The following LTBP2 variants were observed in gnomAD, a reference collection of about 807,000 sequenced individuals.
The protein encoded by LTBP2 is latent-transforming growth factor beta-binding protein 2.
In LTBP2, 103 loss-of-function variants were observed where a neutral mutation model predicts 210.6. The ratio of observed to expected loss-of-function variants is 0.49; its 90% CI spans 0.42 to 0.58. LTBP2 has a LOEUF of 0.58. Among genes scored for constraint, LTBP2 ranks in the 20% least tolerant of loss-of-function variants. LTBP2 has a pLI of 0.00. For missense variants in LTBP2, 2,313 were observed against 2,494.5 expected, an observed-to-expected ratio of 0.93 and a Z score of 1.55; for synonymous variants, 1,007 against 1,015.0, an observed-to-expected ratio of 0.99 and a Z score of 0.15.
Position 74,504,090 on chromosome 14 carries a change from G to T in LTBP2, c.4454-36C>A, listed in dbSNP as rs775429354. On this transcript the variant is annotated intron_variant, in intron 30 of 35. Coordinates refer to ENST00000261978, the MANE Select transcript of LTBP2 (RefSeq NM_000428.3). ...CAGAGCTGAGGTGAGAGGAAGGTGAGAGGCAGTATGAGGGGTACCTAGAGC... is the reference window on the plus strand; with the variant it reads ...CAGAGCTGAGGTGAGAGGAAGGTGATAGGCAGTATGAGGGGTACCTAGAGC... The T allele has an allele frequency of 3.4e-5, 54 of 1,610,054 alleles. No individual in the cohort carries two copies. The Admixed American group carries it at 5.4e-4, about 16-fold the overall frequency.
intron 3 of LTBP2, among the ~76,000 whole-genome samples, chr14:74,579,678 T>G (rs2088111028): frequency 6.6e-6 from 1 of 152,210 alleles, no homozygotes; most frequent in South Asian, 2.1e-4. Flanking sequence ...AGAGCTGCCC[T>G]GGTGCCCTGG....
Position 74,506,781 on chromosome 14 carries a change from C to T in LTBP2, c.3950G>A (p.Gly1317Asp), listed in dbSNP as rs775397419. The change falls in exon 27 of 36, where the codon GGC becomes GAC. Residue 1317 changes from glycine to aspartate, a missense_variant. Gly to Asp is a moderately conservative substitution (Grantham distance 94, BLOSUM62 -1). Transcript: ENST00000261978. ...GGAGCCATCAGTGTTGTCACAGAAGCCGTGGCTGCCACACATGGTGTCGTT... is the reference window on the plus strand; with the variant it reads ...GGAGCCATCAGTGTTGTCACAGAAGTCGTGGCTGCCACACATGGTGTCGTT... Reference protein sequence around the residue: ...CANDTMCGSHGFCDNTDGSFR... With the variant: ...CANDTMCGSHDFCDNTDGSFR... The T allele has an allele frequency of 2.0e-5, 33 of 1,613,958 alleles. No homozygotes were observed. In the East Asian group the frequency reaches 6.9e-4, roughly 34 times the overall value.
chr14:74,510,257 T>A (rs1254266559), intron 19 of LTBP2, 44 bp from the exon 20 acceptor site: 1 of 1,609,086 alleles, frequency 6.2e-7, no homozygotes, highest in Admixed American at 1.7e-5. Flanking sequence ...CTCCTCCCCA[T>A]CCTGCAGCCC....
chr14:74,521,904 G>C lies in LTBP2; in HGVS notation c.2788+7C>G. Reference sequence around the variant, plus strand: ...CCTGGCCAAGGGCAAGGGCGGGCTTGGCTTACCTTGACACTCCTGTGTCGC... The same window carrying C: ...CCTGGCCAAGGGCAAGGGCGGGCTTCGCTTACCTTGACACTCCTGTGTCGC... On this transcript the variant is annotated splice_region_variant and intron_variant, in intron 17 of 35. Transcript: ENST00000261978. 6.2e-7 allele frequency: 1 copy of C among 1,614,004 alleles called. No individual in the cohort carries two copies. The highest frequency in any genetic ancestry group is 8.5e-7 in the Non-Finnish European group (1 of 1,179,982).
chr14:74,538,605 C>T (rs1403760837), intron 8 of LTBP2, among the ~76,000 whole-genome samples: 5 of 152,112 alleles, frequency 3.3e-5, no homozygotes, highest in Non-Finnish European at 7.4e-5. Flanking sequence ...TAGAAGGAGG[C>T]ACCACATTTT....
chr14:74,584,619 T>C (rs1261975343), intron 3 of LTBP2, among the ~76,000 whole-genome samples: 1 of 152,112 alleles, frequency 6.6e-6, no homozygotes, highest in African/African-American at 2.4e-5. Flanking sequence ...CTCTGCTCCT[T>C]GTTTCTGCTG....
rs1250228519 is a variant in LTBP2 at position 74,516,916 on chromosome 14, C to T, written c.2814G>A (p.Gly938=). ...TGGTGCACTGCCCCCCGCTGCACAC[C>T]CCTGGCTGCTCACACTCATTGATAT... ...CQDINECEQP[G]VCSGGQCTNT... is the part of the protein sequence containing the mutation. Residue 938 remains glycine (G), a synonymous_variant, in exon 18 of 36, where the codon GGG becomes GGA. Transcript: ENST00000261978. 3 of 1,551,808 alleles carry T rather than the reference C, an allele frequency of 1.9e-6. No homozygotes were observed. The highest frequency in any genetic ancestry group is 2.7e-5 in the African/African-American group (2 of 73,052).
In LTBP2 at chr14:74,502,694, T is replaced by C. The variant is rs765133859; in HGVS notation, c.5129A>G (p.Gln1710Arg). 1.2e-5 allele frequency: 19 copies of C among 1,614,064 alleles called. No individual in the cohort carries two copies. Among genetic ancestry groups the C allele is most frequent in the Non-Finnish European group, 1.6e-5 (19 of 1,180,048 alleles). Reference sequence around the variant, plus strand: ...GTAGTGGGGCTGGAGTTCTGAGGGCTGCAAAGGAGACTCAAGGATGGGTGT... The same window carrying C: ...GTAGTGGGGCTGGAGTTCTGAGGGCCGCAAAGGAGACTCAAGGATGGGTGT... ...DRTPILESPL[Q>R]PSELQPHYVA... Residue 1710 changes from glutamine to arginine, a missense_variant, in exon 34 of 36, where the codon CAG becomes CGG. This residue lies in a region of LTBP2 where 443 missense variants were observed against 501.4 expected (regional missense o/e 0.88). Transcript: ENST00000261978.
At chr14:74,504,204 C>A in intron 30 of LTBP2, 150 bp from the exon 31 acceptor site, 1 of 886,498 alleles carries the variant, frequency 1.1e-6, no homozygotes. Context: ...GCCTTGCCTC[C>A]GGTTCCTACA....
intron 8 of LTBP2, among the ~76,000 whole-genome samples, chr14:74,538,789 G>A (rs1179235327): frequency 3.3e-5 from 5 of 152,326 alleles, no homozygotes; most frequent in African/African-American, 9.6e-5. Flanking sequence ...GGCCCGCTCC[G>A]GATTTGCACG....
chr14:74,503,832 C>T, intron 31 of LTBP2, 94 bp downstream of exon 31: 2 of 1,556,716 alleles, frequency 1.3e-6, no homozygotes, highest in Non-Finnish European at 1.7e-6. Context: ...GGAAGGGGGA[C>T]TCTCAGCAAT....
chr14:74,558,202 C>T (rs1222814458), intron 3 of LTBP2, among the ~76,000 whole-genome samples: 1 of 152,172 alleles, frequency 6.6e-6, no homozygotes, highest in Non-Finnish European at 1.5e-5. Context: ...GAGTTCGAGA[C>T]CAGCCTGACC....
chr14:74,607,906 T>C (rs1477032033), intron 1 of LTBP2, among the ~76,000 whole-genome samples: 1 of 151,862 alleles, frequency 6.6e-6, no homozygotes, highest in Admixed American at 6.6e-5. Flanking sequence ...TTGATAAAAC[T>C]AGACTATGTT....
intron 24 of LTBP2, 49 bp from the exon 25 acceptor site, chr14:74,508,144 G>C: frequency 6.2e-7 from 1 of 1,609,874 alleles, no homozygotes; most frequent in South Asian, 1.1e-5. Flanking sequence ...TCCCTTCCCT[G>C]TTAGGGTCCT....
At chr14:74,589,504 C>G (rs939850784) in intron 2 of LTBP2, among the ~76,000 whole-genome samples, 5 of 152,200 alleles carry the variant, frequency 3.3e-5, no homozygotes, top group Non-Finnish European at 5.9e-5. Context: ...TTTCTTCATG[C>G]CCAGGCACCT....
At chr14:74,525,730 A>G (rs2087263574) in intron 14 of LTBP2, among the ~76,000 whole-genome samples, 1 of 152,238 alleles carries the variant, frequency 6.6e-6, no homozygotes, top group Admixed American at 6.5e-5. Context: ...TGGTTTCAGG[A>G]CAAGACCTCT....
At chr14:74,529,200 A>ATCCCATCTCTGT (rs2139719718) in intron 10 of LTBP2, 78 bp from the exon 11 acceptor site, 14 of 1,514,246 alleles carry the variant, frequency 9.2e-6, no homozygotes, top group Middle Eastern at 1.8e-4. Context: ...CAGTGGATGG[A>ATCCCATCTCTGT]GGTGTGGCTG....
chr14:74,552,871 C>G (rs1485031189), intron 5 of LTBP2, 21 bp downstream of exon 5: 3 of 1,607,648 alleles, frequency 1.9e-6, no homozygotes. Flanking sequence ...TGGGAACCAT[C>G]TGAGCAGGAA....
Position 74,555,634 on chromosome 14 carries a change from G to A in LTBP2, c.890C>T (p.Thr297Ile), listed in dbSNP as rs558378739. 9 of 1,599,186 alleles carry A rather than the reference G, an allele frequency of 5.6e-6. No individual in the cohort carries two copies. In the Admixed American group the frequency reaches 8.5e-5, roughly 15 times the overall value. ...PSQQHVGLSRTVRLHPTATAS... is the reference protein window; with the variant it reads ...PSQQHVGLSRIVRLHPTATAS... ...CGTGGCAGTCGGGTGAAGTCGGACA[G>A]TGCGGGACAACCCCACGTGCTGCTG... The change falls in exon 4 of 36, where the codon ACT (threonine) becomes ATT (isoleucine). Residue 297 changes from threonine (T) to isoleucine (I), a missense_variant. Physicochemically the swap from Thr to Ile is moderately conservative, Grantham distance 89. Transcript: ENST00000261978.
Sources: gnomAD v4.1 joint callset for allele counts (sites outside exome capture counted in the v4.1 genomes callset) on GRCh38, gnomAD v4.1.1 for gene constraint, gnomAD v4.1.1 regional missense constraint, MANE v1.5 for transcripts, NCBI Gene and HGNC (gene_info 2026-07-23, HGNC 2026-07-21) for gene names.